The following DPF3 variants were observed in gnomAD, a reference collection of about 807,000 sequenced individuals.
DPF3 encodes the protein double PHD fingers 3, also known as zinc finger protein DPF3.
In DPF3, 18 loss-of-function variants were observed where a neutral mutation model predicts 56.8. The observed-to-expected ratio is 0.32, with a 90% CI of 0.22 to 0.47. The LOEUF is 0.47. Among genes scored for constraint, DPF3 ranks in the 20% least tolerant of loss-of-function variants. The pLI, the probability that DPF3 is intolerant of heterozygous loss-of-function variation, is 1.00. For synonymous variants in DPF3, 188 were observed against 180.2 expected, an observed-to-expected ratio of 1.04 and a Z score of -0.35; for missense variants, 403 against 488.8, an observed-to-expected ratio of 0.82 and a Z score of 1.65.
At chr14:72,704,363 C>T (rs1313628180) in intron 6 of DPF3, among the ~76,000 whole-genome samples, 3 of 152,190 alleles carry the variant, frequency 2.0e-5, no homozygotes, top group Non-Finnish European at 4.4e-5. Context: ...AAAAATCAGA[C>T]CTGATTACCC....
intron 8 of DPF3, among the ~76,000 whole-genome samples, chr14:72,666,412 C>T (rs932258560): frequency 1.6e-4 from 25 of 152,312 alleles, no homozygotes; most frequent in African/African-American, 5.3e-4. Flanking sequence ...AAAAGACCTA[C>T]AGGCATTTTA....
chr14:72,796,137 C>T (rs1485605848), intron 1 of DPF3, among the ~76,000 whole-genome samples: 2 of 152,122 alleles, frequency 1.3e-5, no homozygotes, highest in African/African-American at 4.8e-5. Context: ...ATATATGAGA[C>T]TTGAATTTGA....
chr14:72,637,643 T>C (rs1198632428), intron 8 of DPF3, among the ~76,000 whole-genome samples: 1 of 152,130 alleles, frequency 6.6e-6, no homozygotes, highest in African/African-American at 2.4e-5. Context: ...AGTTTTTCAA[T>C]ATATTAAGTT....
chr14:72,861,596 C>T (rs918835360), intron 1 of DPF3, among the ~76,000 whole-genome samples: 2 of 151,994 alleles, frequency 1.3e-5, no homozygotes, highest in African/African-American at 4.8e-5. Context: ...TCATGGAAAA[C>T]ATTTAGCCAT....
chr14:72,768,163 C>T (rs1270494937), intron 2 of DPF3, among the ~76,000 whole-genome samples: 1 of 152,106 alleles, frequency 6.6e-6, no homozygotes, highest in Non-Finnish European at 1.5e-5. Flanking sequence ...AGTACTACAT[C>T]AGAAAGTAAA....
chr14:72,869,857 C>A (rs1052087531), intron 1 of DPF3, among the ~76,000 whole-genome samples: 1 of 152,038 alleles, frequency 6.6e-6, no homozygotes, highest in Admixed American at 6.6e-5. Flanking sequence ...ACAGGCATAC[C>A]CATGTTATCT....
chr14:72,725,878 A>C (rs1889388444), intron 4 of DPF3, among the ~76,000 whole-genome samples: 1 of 152,194 alleles, frequency 6.6e-6, no homozygotes, highest in Non-Finnish European at 1.5e-5. Flanking sequence ...CAAAGAACTC[A>C]AAACAGGTCT....
intron 1 of DPF3, among the ~76,000 whole-genome samples, chr14:72,838,122 G>A (rs1884372998): frequency 6.6e-6 from 1 of 152,214 alleles, no homozygotes; most frequent in Admixed American, 6.5e-5. Flanking sequence ...GACTGTCCCT[G>A]TAGCCAGCTA....
At chr14:72,798,783 G>A (rs1422593397) in intron 1 of DPF3, among the ~76,000 whole-genome samples, 1 of 152,186 alleles carries the variant, frequency 6.6e-6, no homozygotes, top group Non-Finnish European at 1.5e-5. Flanking sequence ...CAGTGTAGCT[G>A]AGCTCCGAGC....
intron 1 of DPF3, among the ~76,000 whole-genome samples, chr14:72,890,546 C>G (rs2333006): frequency 0.94 from 143,062 of 151,580 alleles, 67,626 homozygotes; most frequent in East Asian, 1. Context: ...CAGGTATGCA[C>G]AAATCAACCA....
intron 1 of DPF3, among the ~76,000 whole-genome samples, chr14:72,774,537 A>C (rs1184334513): frequency 6.6e-6 from 1 of 152,224 alleles, no homozygotes; most frequent in East Asian, 1.9e-4. Context: ...GTTCTAACAA[A>C]GAGCTTAAAG....
intron 7 of DPF3, among the ~76,000 whole-genome samples, chr14:72,679,785 C>T (rs187701999): frequency 1.4e-4 from 22 of 152,194 alleles, no homozygotes; most frequent in Middle Eastern, 3.4e-3. Flanking sequence ...CTTCAGAGGA[C>T]GACGGAGGGA....
chr14:72,867,015 G>T (rs889111916), intron 1 of DPF3, among the ~76,000 whole-genome samples: 1 of 138,766 alleles, frequency 7.2e-6, no homozygotes, highest in African/African-American at 2.5e-5. Context: ...GGAAGCAAAG[G>T]CCTAGGTGCC....
chr14:72,859,465 T>A (rs1885297092), intron 1 of DPF3, among the ~76,000 whole-genome samples: 1 of 81,954 alleles, frequency 1.2e-5, no homozygotes, highest in African/African-American at 4.9e-5. Context: ...TCTCTGCAGC[T>A]TCCTCCCCCC....
intron 3 of DPF3, among the ~76,000 whole-genome samples, chr14:72,746,339 G>A (rs922514350): frequency 2.6e-5 from 4 of 152,336 alleles, no homozygotes; most frequent in South Asian, 4.1e-4. Context: ...AGGGCACTCC[G>A]ACGGCCTCTT....
At position 72,629,339 on chromosome 14, in the gene DPF3, T is replaced by TA. The variant is rs1386892010; in HGVS notation, c.984+284dup. Among the ~76,000 whole-genome samples, 4 of 152,224 alleles carry TA rather than the reference T, an allele frequency of 2.6e-5. No homozygotes were observed. The East Asian group carries it at 7.7e-4, about 29-fold the overall frequency. ...TGTATATGTTTGAAATTGCCCATAA[T>TA]AAAAAATGTTCTTGAAAATTTTGCA... On this transcript the variant is annotated intron_variant, in intron 9 of 10. Transcript: ENST00000556509.
intron 3 of DPF3, among the ~76,000 whole-genome samples, chr14:72,751,152 T>TGC (rs1371829302): frequency 2.0e-5 from 3 of 152,140 alleles, no homozygotes; most frequent in Non-Finnish European, 2.9e-5. Flanking sequence ...TTGCAACTAC[T>TGC]GCACACCAGA....
rs1883954633 is a variant in DPF3, at chr14:72,614,514, G to A, written c.*4783C>T. Among the ~76,000 whole-genome samples, 1 of 152,068 alleles carries A rather than the reference G, an allele frequency of 6.6e-6. No homozygotes were observed. Among genetic ancestry groups the A allele is most frequent in the African/African-American group, 2.4e-5 (1 of 41,380 alleles). On this transcript the variant is annotated 3_prime_UTR_variant, in exon 11 of 11. Coordinates refer to ENST00000556509, the MANE Select transcript of DPF3 (RefSeq NM_001280542.3). ...CCTGGGCTTGGGGGACAGGGGCCTG[G>A]GGGCCTGACCCCTCTGGTAGCAGTG...
rs777018012 is a variant in DPF3, at chr14:72,834,235, GC to G, written c.32+59821del. Among the ~76,000 whole-genome samples, 67 of 152,046 alleles carry G rather than the reference GC, an allele frequency of 4.4e-4. 1 individual carries two copies. The highest frequency in any genetic ancestry group is 3.7e-3 in the Admixed American group (57 of 15,272). On this transcript the variant is annotated intron_variant, in intron 1 of 10. Transcript: ENST00000556509. The stretch of plus-strand genomic sequence containing the variant: ...AATGAGGCCAGGCATGGAGTCTGAC[GC>G]CTGTAACGCCAACACTTTGGGAGGC...
Sources: allele counts gnomAD v4.1 joint callset (sites outside exome capture counted in the v4.1 genomes callset), GRCh38; gene constraint gnomAD v4.1.1; transcripts MANE v1.5; gene names NCBI Gene and HGNC (gene_info 2026-07-23, HGNC 2026-07-21).